The following EDA variants were observed in gnomAD, a reference collection of about 807,000 sequenced individuals.
EDA encodes ectodysplasin-A.
Under a neutral mutation model 23.6 loss-of-function variants are expected in EDA, and 2 were observed. The observed-to-expected ratio is 0.08, with a 90% CI of 0.03 to 0.27. The LOEUF is 0.27. EDA is among the 10% of genes least tolerant of loss of function. The pLI, the probability that EDA is intolerant of heterozygous loss-of-function variation, is 1.00. For missense variants in EDA, 229 were observed against 324.2 expected (o/e 0.71, Z 2.26); for synonymous variants, 131 against 132.0 (o/e 0.99, Z 0.05).
At chrX:69,948,748 C>A (rs1389761724) in intron 1 of EDA, among the ~76,000 whole-genome samples, 1 of 112,432 alleles carries the variant, frequency 8.9e-6, no homozygotes, top group Non-Finnish European at 1.9e-5. Context: ...AAGATAGATT[C>A]TAGTTCAGTG....
chrX:69,945,848 G>GA (rs1403908485), intron 1 of EDA, among the ~76,000 whole-genome samples: 2 of 111,402 alleles, frequency 1.8e-5, no homozygotes, highest in South Asian at 3.8e-4. Context: ...TAGCCATATT[G>GA]AAAAAAATTG....
In EDA at chrX:69,616,523, G is replaced by T; in HGVS notation, c.215G>T (p.Arg72Leu). The change falls in exon 1 of 8, where the codon CGT becomes CTT. Residue 72 changes from arginine (R) to leucine (L), a missense_variant. Physicochemically the swap from Arg to Leu is moderately radical, Grantham distance 102. Transcript: ENST00000374552. ...LELRSELRRE[R>L]GAESRLGGSG... ...TTGCGCTCGGAGTTGCGGCGGGAAC[G>T]TGGAGCCGAGTCCCGCCTTGGCGGC... 1 of 1,211,428 alleles carries T rather than the reference G, an allele frequency of 8.3e-7. No individual in the cohort carries two copies. Among genetic ancestry groups the T allele is most frequent in the Non-Finnish European group, 1.1e-6 (1 of 895,272 alleles).
intron 1 of EDA, among the ~76,000 whole-genome samples, chrX:69,804,202 G>A (rs2015762176): frequency 9.0e-6 from 1 of 110,830 alleles, no homozygotes; most frequent in East Asian, 2.9e-4. Context: ...AGATCATATG[G>A]TAGTTCTATT....
intron 1 of EDA, chrX:69,617,224 C>G (rs1376826027): frequency 6.5e-6 from 1 of 154,558 alleles, no homozygotes; most frequent in African/African-American, 3.2e-5. Context: ...AGAACGTGGG[C>G]TTGTTCACAC....
In EDA at chrX:69,803,702, A is replaced by G. The variant is rs1350381506; in HGVS notation, c.397-153325A>G. Among the ~76,000 whole-genome samples the G allele has an allele frequency of 4.5e-5, 5 of 110,597 alleles. No homozygotes were observed. In the Admixed American group the frequency reaches 4.8e-4, roughly 11 times the overall value. On this transcript the variant is annotated intron_variant, in intron 1 of 7. Coordinates refer to ENST00000374552, the MANE Select transcript of EDA (RefSeq NM_001399.5). ...AGCCTCCCTTTAGCTATTTGAAACT[A>G]TATATTATTGTTAACTATAGTCATC...
chrX:70,033,436 A>G lies in EDA; in HGVS notation c.832A>G (p.Thr278Ala). The G allele has an allele frequency of 8.3e-7, 1 of 1,211,954 alleles. No individual in the cohort carries two copies. The highest frequency in any genetic ancestry group is 1.1e-6 in the Non-Finnish European group (1 of 895,479). ...GGVLNDWSRI[T>A]MNPKVFKLHP... ...AGTGCTCAATGACTGGTCTCGCATCACTATGAACCCCAAGGTGTTTAAGCT... is the reference window on the plus strand; with the variant it reads ...AGTGCTCAATGACTGGTCTCGCATCGCTATGAACCCCAAGGTGTTTAAGCT... The change falls in exon 7 of 8, where the codon ACT (threonine) becomes GCT (alanine). Residue 278 changes from threonine to alanine, a missense_variant. Transcript: ENST00000374552.
intron 1 of EDA, among the ~76,000 whole-genome samples, chrX:69,897,793 G>A: frequency 8.9e-6 from 1 of 111,753 alleles, no homozygotes. Flanking sequence ...CCTGCCTCTA[G>A]TGCAACGTGT....
chrX:69,869,188 A>G (rs2017529181), intron 1 of EDA, among the ~76,000 whole-genome samples: 1 of 111,392 alleles, frequency 9.0e-6, no homozygotes, highest in Non-Finnish European at 1.9e-5. Flanking sequence ...AAGTATGTCT[A>G]TGCCAATTAT....
chrX:69,818,784 A>G (rs1276959610), intron 1 of EDA, among the ~76,000 whole-genome samples: 2 of 111,878 alleles, frequency 1.8e-5, no homozygotes, highest in African/African-American at 6.5e-5. Context: ...ATTCTACCAG[A>G]TGTACAAAGA....
chrX:69,678,600 C>T (rs1328684720), intron 1 of EDA, among the ~76,000 whole-genome samples: 1 of 109,171 alleles, frequency 9.2e-6, no homozygotes, highest in Non-Finnish European at 1.9e-5. Context: ...AATGGGAGTT[C>T]ACTCACGATT....
chrX:69,679,285 T>C (rs1275012611), intron 1 of EDA, among the ~76,000 whole-genome samples: 1 of 104,621 alleles, frequency 9.6e-6, no homozygotes, highest in Non-Finnish European at 2.0e-5. Flanking sequence ...AAAATTCTCT[T>C]TTTTGGTTGT....
intron 1 of EDA, among the ~76,000 whole-genome samples, chrX:69,837,317 C>T (rs1015139632): frequency 8.9e-6 from 1 of 111,872 alleles, no homozygotes; most frequent in Non-Finnish European, 1.9e-5. Context: ...TGCCTCACAA[C>T]CACTGTGCCA....
chrX:69,893,831 G>A (rs1263255273), intron 1 of EDA, among the ~76,000 whole-genome samples: 3 of 112,130 alleles, frequency 2.7e-5, no homozygotes, highest in African/African-American at 6.5e-5. Flanking sequence ...CTAAATTGCT[G>A]TGTTTTCCTG....
At chrX:69,887,673 G>C (rs1272355717) in intron 1 of EDA, among the ~76,000 whole-genome samples, 1 of 111,743 alleles carries the variant, frequency 8.9e-6, no homozygotes, top group Non-Finnish European at 1.9e-5. Context: ...AAAGCATCAA[G>C]AGATAAGAGA....
chrX:69,734,123 A>G (rs1384441003), intron 1 of EDA, among the ~76,000 whole-genome samples: 1 of 111,564 alleles, frequency 9.0e-6, no homozygotes, highest in African/African-American at 3.2e-5. Context: ...TAAAATAGAT[A>G]TGAGATTATT....
chrX:69,681,227 C>G (rs1475103382), intron 1 of EDA, among the ~76,000 whole-genome samples: 2 of 110,475 alleles, frequency 1.8e-5, no homozygotes, highest in African/African-American at 6.6e-5. Context: ...GAGGGTAACC[C>G]GACCTTTCTC....
chrX:70,009,930 A>G (rs2019853472), intron 2 of EDA, among the ~76,000 whole-genome samples: 1 of 112,015 alleles, frequency 8.9e-6, no homozygotes, highest in African/African-American at 3.2e-5. Flanking sequence ...GGATTTTTCC[A>G]ACTATCTTGT....
chrX:69,786,338 G>C (rs1439955652), intron 1 of EDA, among the ~76,000 whole-genome samples: 1 of 107,853 alleles, frequency 9.3e-6, no homozygotes, highest in East Asian at 2.9e-4. Context: ...GCTAGCTTTT[G>C]AATGTGTTTG....
intron 1 of EDA, among the ~76,000 whole-genome samples, chrX:69,718,820 A>C (rs2428155): frequency 0.32 from 35,555 of 110,691 alleles, 5,040 homozygotes; most frequent in Middle Eastern, 0.55. Context: ...TTATAAAATG[A>C]GTTAGGAAGT....
Sources: allele counts gnomAD v4.1 joint callset (sites outside exome capture counted in the v4.1 genomes callset), GRCh38; gene constraint gnomAD v4.1.1; transcripts MANE v1.5; gene names NCBI Gene and HGNC (gene_info 2026-07-23, HGNC 2026-07-21).